COL4A2: variants seen among roughly 807,000 people sequenced by gnomAD.
The protein encoded by COL4A2 is collagen alpha-2(IV) chain.
A neutral mutation model predicts 200.2 loss-of-function variants in COL4A2; 99 were observed. The observed-to-expected ratio is 0.49, with a 90% CI of 0.42 to 0.58. The LOEUF (loss-of-function observed/expected upper bound fraction) is 0.58, where lower values mean the gene tolerates loss of function less well. COL4A2 is among the 20% of genes least tolerant of loss of function. The pLI is 0.00. For synonymous variants in COL4A2, 897 were observed against 900.6 expected (o/e 1.00, Z 0.07); for missense variants, 1,950 against 2,314.1 (o/e 0.84, Z 3.23).
At chr13:110,482,376 G>A in intron 31 of COL4A2, 140 bp from the exon 32 acceptor site, 1 of 865,234 alleles carries the variant, frequency 1.2e-6, no homozygotes, top group East Asian at 2.5e-5. Context: ...TTAGAAGATG[G>A]TGTCCCCGGA....
intron 21 of COL4A2, 39 bp from the exon 22 acceptor site, chr13:110,458,732 A>C (rs1881881997): frequency 1.2e-6 from 2 of 1,612,338 alleles, no homozygotes; most frequent in Non-Finnish European, 1.7e-6. Context: ...CGCTAAGAGG[A>C]ATGCGGAACA....
chr13:110,449,221 A>G (rs929146053), intron 18 of COL4A2, among the ~76,000 whole-genome samples: 2 of 152,212 alleles, frequency 1.3e-5, no homozygotes, highest in Non-Finnish European at 2.9e-5. Context: ...AAGCGTTGCT[A>G]TTTACACAGC....
intron 4 of COL4A2, among the ~76,000 whole-genome samples, chr13:110,404,224 T>A (rs751655502): frequency 3.3e-5 from 5 of 152,220 alleles, no homozygotes; most frequent in Non-Finnish European, 7.3e-5. Context: ...TTAGATTTAT[T>A]TTAGTATTGC....
intron 4 of COL4A2, among the ~76,000 whole-genome samples, chr13:110,405,142 T>G (rs1378679908): frequency 6.6e-6 from 1 of 151,908 alleles, no homozygotes; most frequent in Non-Finnish European, 1.5e-5. Flanking sequence ...TAAATAAAAT[T>G]TAAAAACGTT....
intron 16 of COL4A2, among the ~76,000 whole-genome samples, chr13:110,445,001 C>T (rs545643795): frequency 1.3e-5 from 2 of 152,148 alleles, no homozygotes; most frequent in Non-Finnish European, 2.9e-5. Flanking sequence ...CAGGTGCCTG[C>T]CACCATGCCC....
At chr13:110,346,096 A>G (rs921712281) in intron 3 of COL4A2, among the ~76,000 whole-genome samples, 1 of 152,200 alleles carries the variant, frequency 6.6e-6, no homozygotes, top group South Asian at 2.1e-4. Flanking sequence ...GGAGCCAGCA[A>G]TGAAGGCCAG....
chr13:110,327,602 G>T (rs551347691), intron 3 of COL4A2, among the ~76,000 whole-genome samples: 10 of 152,292 alleles, frequency 6.6e-5, no homozygotes, highest in Middle Eastern at 3.4e-3. Flanking sequence ...AAGAGATTGG[G>T]GGTGGGGTGT....
chr13:110,506,911 T>A (rs1883907290), intron 46 of COL4A2, among the ~76,000 whole-genome samples: 1 of 152,068 alleles, frequency 6.6e-6, no homozygotes, highest in Admixed American at 6.5e-5. Context: ...ACCAATTACT[T>A]CACCTCCTTC....
chr13:110,503,438 C>T lies in COL4A2; in HGVS notation c.4095C>T (p.Gly1365=), dbSNP rs768848857. ...MGNTGPTGAV[G]DRGPKGPKGD... is the part of the protein sequence containing the mutation. ...ACACTGGACCCACTGGGGCGGTGGG[C>T]GACAGAGGCCCCAAGGGACCCAAGG... Residue 1365 remains glycine, a synonymous_variant, in exon 43 of 48, where the codon GGC becomes GGT. Coordinates refer to ENST00000360467, the MANE Select transcript of COL4A2 (RefSeq NM_001846.4). 1.1e-5 allele frequency: 18 copies of T among 1,585,962 alleles called. No homozygotes were observed. Among genetic ancestry groups the T allele is most frequent in the East Asian group, 2.3e-5 (1 of 43,682 alleles).
chr13:110,485,966 G>A, intron 34 of COL4A2, 130 bp downstream of exon 34: 1 of 1,411,758 alleles, frequency 7.1e-7, no homozygotes, highest in Non-Finnish European at 9.5e-7. Context: ...CCTCAGGCTT[G>A]GTGGGGTCCA....
chr13:110,352,492 C>G (rs1184894959), intron 3 of COL4A2, among the ~76,000 whole-genome samples: 3 of 152,268 alleles, frequency 2.0e-5, no homozygotes, highest in Admixed American at 2.0e-4. Flanking sequence ...GCCCCCTACT[C>G]TATACCCAGA....
intron 4 of COL4A2, among the ~76,000 whole-genome samples, chr13:110,374,954 G>A (rs1878174924): frequency 9.3e-6 from 1 of 107,982 alleles, no homozygotes; most frequent in Admixed American, 9.3e-5. Context: ...TCTCCTTAGA[G>A]GATTATTTAA....
intron 15 of COL4A2, among the ~76,000 whole-genome samples, chr13:110,439,294 C>T (rs1881034730): frequency 6.6e-6 from 1 of 152,214 alleles, no homozygotes; most frequent in African/African-American, 2.4e-5. Context: ...CCGTATTTTA[C>T]ATTCTCCAAA....
chr13:110,407,469 C>T lies in COL4A2; in HGVS notation c.181-17265C>T, dbSNP rs1300153174. On this transcript the variant is annotated intron_variant, in intron 4 of 47. Transcript: ENST00000360467. ...GCTGCACCTAGAAAGCCGTGGCACA[C>T]GCAGCACCAGGAGGCCTGGGCATCA... Among the ~76,000 whole-genome samples, 5 of 152,332 alleles carry T rather than the reference C, an allele frequency of 3.3e-5. No individual in the cohort carries two copies. The East Asian group carries it at 5.8e-4, about 18-fold the overall frequency.
rs115171286 is a variant in COL4A2, at chr13:110,385,081, G to A, written c.180+27529G>A. Among the ~76,000 whole-genome samples the A allele has an allele frequency of 3.3e-3, 507 of 152,188 alleles. 3 individuals carry two copies. The highest frequency in any genetic ancestry group is 0.012 in the African/African-American group (479 of 41,534). On this transcript the variant is annotated intron_variant, in intron 4 of 47. Coordinates refer to ENST00000360467, the MANE Select transcript of COL4A2 (RefSeq NM_001846.4). Reference sequence around the variant, plus strand: ...AGATCGAGACCGTCTTGGCTAACACGGTAAAACACTGTCTACTAAAAATAG... The same window carrying A: ...AGATCGAGACCGTCTTGGCTAACACAGTAAAACACTGTCTACTAAAAATAG...
intron 37 of COL4A2, 51 bp downstream of exon 37, chr13:110,491,391 C>A: frequency 7.9e-7 from 1 of 1,273,478 alleles, no homozygotes; most frequent in Non-Finnish European, 1.1e-6. Context: ...CCTCCGGAGA[C>A]CCCAGAACAA....
chr13:110,393,677 G>A lies in COL4A2; in HGVS notation c.181-31057G>A, dbSNP rs187352374. 4.0e-5 allele frequency among the ~76,000 whole-genome samples: 6 copies of A among 151,768 alleles called. No individual in the cohort carries two copies. The East Asian group carries it at 9.7e-4, about 25-fold the overall frequency. On this transcript the variant is annotated intron_variant, in intron 4 of 47. Transcript: ENST00000360467. ...ATGGATCACTTGAGGTCAGGAGTTCGAGACCAACCTGGCCAACATGGTGAA... is the reference window on the plus strand; with the variant it reads ...ATGGATCACTTGAGGTCAGGAGTTCAAGACCAACCTGGCCAACATGGTGAA...
At chr13:110,461,047 T>A (rs7322646) in intron 22 of COL4A2, among the ~76,000 whole-genome samples, 33,749 of 152,142 alleles carry the variant, frequency 0.22, 4,322 homozygotes, top group Non-Finnish European at 0.3. Context: ...CTAGCACAGC[T>A]CACGTTTGAA....
chr13:110,317,004 T>TCA (rs752284585), intron 3 of COL4A2, among the ~76,000 whole-genome samples: 1 of 151,670 alleles, frequency 6.6e-6, no homozygotes, highest in Admixed American at 6.6e-5. Flanking sequence ...CACCCTGTAC[T>TCA]CACACACACA....
Sources: gnomAD v4.1 joint callset for allele counts (sites outside exome capture counted in the v4.1 genomes callset) on GRCh38, gnomAD v4.1.1 for gene constraint, MANE v1.5 for transcripts, NCBI Gene and HGNC (gene_info 2026-07-23, HGNC 2026-07-21) for gene names.